GPC5: variants seen among roughly 807,000 people sequenced by gnomAD.
GPC5 encodes glypican-5.
In GPC5, 47 loss-of-function variants were observed where a neutral mutation model predicts 53.9. The ratio of observed to expected loss-of-function variants is 0.87; its 90% CI spans 0.69 to 1.11. The LOEUF is 1.11. Ranked by LOEUF, GPC5 falls within the 50% of genes most tolerant of loss-of-function variation. The pLI is 0.00. For missense variants in GPC5, 748 were observed against 713.1 expected, an observed-to-expected ratio of 1.05 and a Z score of -0.56; for synonymous variants, 286 against 263.3, an observed-to-expected ratio of 1.09 and a Z score of -0.84.
intron 6 of GPC5, among the ~76,000 whole-genome samples, chr13:91,943,069 C>T (rs1056320861): frequency 1.8e-4 from 28 of 152,038 alleles, no homozygotes; most frequent in African/African-American, 5.3e-4. Flanking sequence ...TTCTGACATG[C>T]TTTAATCACC....
At chr13:91,498,471 A>C (rs1884426591) in intron 2 of GPC5, among the ~76,000 whole-genome samples, 1 of 152,056 alleles carries the variant, frequency 6.6e-6, no homozygotes, top group Non-Finnish European at 1.5e-5. Context: ...GGTTTATGTA[A>C]GAAGGGAAGG....
intron 7 of GPC5, among the ~76,000 whole-genome samples, chr13:92,187,195 T>G (rs776153813): frequency 3.3e-5 from 5 of 152,198 alleles, no homozygotes; most frequent in Non-Finnish European, 5.9e-5. Flanking sequence ...CACGCATAAG[T>G]CAGCCTCCAA....
intron 7 of GPC5, among the ~76,000 whole-genome samples, chr13:92,635,109 T>C (rs1885371732): frequency 1.3e-5 from 2 of 152,284 alleles, no homozygotes; most frequent in Non-Finnish European, 2.9e-5. Context: ...ATAAACCTTT[T>C]ATCTGATGTT....
chr13:91,694,416 T>C (rs1594441684), intron 3 of GPC5, among the ~76,000 whole-genome samples: 1 of 152,198 alleles, frequency 6.6e-6, no homozygotes, highest in South Asian at 2.1e-4. Context: ...TCAAAAGAGT[T>C]TCTTCAGAGA....
chr13:92,545,314 T>G (rs1344772213), intron 7 of GPC5, among the ~76,000 whole-genome samples: 3 of 152,232 alleles, frequency 2.0e-5, no homozygotes, highest in Admixed American at 6.5e-5. Flanking sequence ...TAATCCAGTC[T>G]ATCATTGTTG....
chr13:91,623,306 G>A (rs1431390951), intron 2 of GPC5, among the ~76,000 whole-genome samples: 1 of 152,136 alleles, frequency 6.6e-6, no homozygotes, highest in Non-Finnish European at 1.5e-5. Context: ...TGTCAGTGGT[G>A]CCCAGCAAGA....
chr13:91,693,383 C>A lies in GPC5; in HGVS notation c.522C>A (p.Val174=). ...NRFFDSLFPL[V]YNHLINPGVT... ...TTTTTGACAGTCTTTTTCCTCTGGTCTACAACCACCTCATTAACCCTGGTG... is the reference window on the plus strand; with the variant it reads ...TTTTTGACAGTCTTTTTCCTCTGGTATACAACCACCTCATTAACCCTGGTG... Residue 174 remains valine (V), a synonymous_variant, in exon 3 of 8, where the codon GTC becomes GTA. Coordinates refer to ENST00000377067, the MANE Select transcript of GPC5 (RefSeq NM_004466.6). 6.2e-7 allele frequency: 1 copy of A among 1,614,102 alleles called. No homozygotes were observed. Among genetic ancestry groups the A allele is most frequent in the Non-Finnish European group, 8.5e-7 (1 of 1,180,026 alleles).
intron 2 of GPC5, among the ~76,000 whole-genome samples, chr13:91,585,897 C>G (rs149890030): frequency 2.6e-5 from 4 of 151,928 alleles, no homozygotes; most frequent in African/African-American, 9.7e-5. Context: ...AAAGAAAAAA[C>G]AAGAAACTAT....
chr13:91,662,604 C>A (rs2035012509), intron 2 of GPC5, among the ~76,000 whole-genome samples: 2 of 152,064 alleles, frequency 1.3e-5, no homozygotes, highest in Admixed American at 1.3e-4. Flanking sequence ...GATATCTAAT[C>A]TTGTTCCCTC....
At chr13:92,608,815 G>C (rs1884340764) in intron 7 of GPC5, among the ~76,000 whole-genome samples, 1 of 152,062 alleles carries the variant, frequency 6.6e-6, no homozygotes, top group Non-Finnish European at 1.5e-5. Flanking sequence ...TCTTAGCTCT[G>C]TGCACACTGC....
At chr13:91,399,342 G>C in intron 1 of GPC5, 133 bp downstream of exon 1, 1 of 1,120,418 alleles carries the variant, frequency 8.9e-7, no homozygotes, top group Non-Finnish European at 1.2e-6. Context: ...ATCCCGGGGA[G>C]GCTTCCGGGG....
chr13:92,094,414 G>A (rs1474744154), intron 6 of GPC5, among the ~76,000 whole-genome samples: 20 of 151,086 alleles, frequency 1.3e-4, no homozygotes, highest in Admixed American at 1.3e-3. Flanking sequence ...CAGCTACTCA[G>A]GTGGCTGAGG....
chr13:91,903,952 T>C (rs1340246393), intron 5 of GPC5, among the ~76,000 whole-genome samples: 1 of 151,366 alleles, frequency 6.6e-6, no homozygotes, highest in Non-Finnish European at 1.5e-5. Context: ...AAGAAAAGAG[T>C]CTCAGTTTTC....
chr13:92,692,696 AC>A (rs1488174058), intron 7 of GPC5, among the ~76,000 whole-genome samples: 3 of 144,762 alleles, frequency 2.1e-5, no homozygotes, highest in East Asian at 2.0e-4. Context: ...ATTAAAAAAA[AC>A]AAAACAAAAC....
intron 6 of GPC5, among the ~76,000 whole-genome samples, chr13:92,003,478 G>T (rs376360098): frequency 6.6e-6 from 1 of 151,558 alleles, no homozygotes; most frequent in East Asian, 1.9e-4. Context: ...AAGGATGTTT[G>T]TTTTCTTCAA....
At chr13:92,627,411 A>G (rs1314383232) in intron 7 of GPC5, among the ~76,000 whole-genome samples, 2 of 152,164 alleles carry the variant, frequency 1.3e-5, no homozygotes, top group Non-Finnish European at 2.9e-5. Context: ...TTTCATCATC[A>G]AGTTTCATCC....
At chr13:91,908,109 G>C (rs1439195387) in intron 6 of GPC5, 52 bp downstream of exon 6, 33 of 1,283,154 alleles carry the variant, frequency 2.6e-5, no homozygotes, top group Non-Finnish European at 3.4e-5. Flanking sequence ...ATAATAAGTG[G>C]TTACTTTCTG....
At chr13:92,773,140 A>G (rs537721800) in intron 7 of GPC5, among the ~76,000 whole-genome samples, 1 of 152,296 alleles carries the variant, frequency 6.6e-6, no homozygotes, top group South Asian at 2.1e-4. Flanking sequence ...ACAAAACAGT[A>G]GCATTTTTCC....
At chr13:92,685,070 A>G (rs960622486) in intron 7 of GPC5, among the ~76,000 whole-genome samples, 2 of 142,584 alleles carry the variant, frequency 1.4e-5, no homozygotes, top group Non-Finnish European at 3.0e-5. Flanking sequence ...TTCCATTGCC[A>G]GTGAGATCCA....
Sources: allele counts gnomAD v4.1 joint callset (sites outside exome capture counted in the v4.1 genomes callset), GRCh38; gene constraint gnomAD v4.1.1; transcripts MANE v1.5; gene names NCBI Gene and HGNC (gene_info 2026-07-23, HGNC 2026-07-21).